PACRG: variants seen among roughly 807,000 people sequenced by gnomAD.
PACRG encodes parkin coregulated.
PACRG carries 29 observed loss-of-function variants against 29.7 expected under a neutral mutation model. The observed-to-expected ratio is 0.98, with a 90% CI of 0.73 to 1.33. The LOEUF (loss-of-function observed/expected upper bound fraction) is 1.33. Among genes scored for constraint, PACRG ranks in the 40% most tolerant of loss-of-function variants. The pLI is 0.00. For synonymous variants in PACRG, 116 were observed against 118.7 expected, an observed-to-expected ratio of 0.98 and a Z score of 0.15; for missense variants, 279 against 316.2, an observed-to-expected ratio of 0.88 and a Z score of 0.89.
chr6:162,974,072 A>T (rs1801753716), intron 2 of PACRG, among the ~76,000 whole-genome samples: 1 of 152,204 alleles, frequency 6.6e-6, no homozygotes, highest in African/African-American at 2.4e-5. Flanking sequence ...GTAACGTAAT[A>T]ATTATAAAAT....
chr6:163,261,299 G>A (rs1430453626), intron 4 of PACRG, among the ~76,000 whole-genome samples: 1 of 152,022 alleles, frequency 6.6e-6, no homozygotes, highest in Non-Finnish European at 1.5e-5. Context: ...GACAGTGCAG[G>A]TTTGTTACAT....
chr6:163,118,385 A>G (rs548028166), intron 4 of PACRG, among the ~76,000 whole-genome samples: 4 of 152,316 alleles, frequency 2.6e-5, no homozygotes, highest in African/African-American at 7.2e-5. Context: ...CACCCAGGGC[A>G]TGTGGAAGGG....
At chr6:162,785,335 G>T (rs1294429479) in intron 1 of PACRG, among the ~76,000 whole-genome samples, 4 of 152,108 alleles carry the variant, frequency 2.6e-5, no homozygotes, top group African/African-American at 7.2e-5. Context: ...ATATTTTGGG[G>T]TTATCATATT....
intron 4 of PACRG, among the ~76,000 whole-genome samples, chr6:163,094,760 A>C (rs887491168): frequency 1.3e-5 from 2 of 152,202 alleles, no homozygotes; most frequent in African/African-American, 2.4e-5. Context: ...TTCATGGGGT[A>C]GCTGTTCTAC....
intron 2 of PACRG, among the ~76,000 whole-genome samples, chr6:162,955,479 T>C (rs746613005): frequency 3.0e-4 from 46 of 152,044 alleles, no homozygotes; most frequent in Non-Finnish European, 4.3e-4. Flanking sequence ...TTTTGTATTT[T>C]TAGTAGATAC....
chr6:162,727,870 A>T, upstream of PACRG: 1 of 598,422 alleles, frequency 1.7e-6, no homozygotes, highest in Non-Finnish European at 2.9e-6. Flanking sequence ...GTTTCTCCTC[A>T]CGCCTCCTGC....
intron 1 of PACRG, among the ~76,000 whole-genome samples, chr6:162,801,258 A>G (rs1271852119): frequency 6.6e-6 from 1 of 152,068 alleles, no homozygotes; most frequent in Non-Finnish European, 1.5e-5. Context: ...ACATGTGTGT[A>G]CCACCATGCC....
intron 4 of PACRG, among the ~76,000 whole-genome samples, chr6:163,167,900 G>C (rs1163223447): frequency 1.3e-5 from 2 of 152,200 alleles, no homozygotes; most frequent in Non-Finnish European, 2.9e-5. Context: ...ACACAAAAGT[G>C]AACTGCTGTC....
At chr6:162,931,670 G>A (rs115199594) in intron 2 of PACRG, among the ~76,000 whole-genome samples, 3,228 of 151,980 alleles carry the variant, frequency 0.021, 96 homozygotes, top group South Asian at 0.085. Context: ...AATACCACAT[G>A]ATTAGTTCAT....
intron 4 of PACRG, among the ~76,000 whole-genome samples, chr6:163,234,107 A>G (rs571249632): frequency 6.6e-6 from 1 of 152,310 alleles, no homozygotes; most frequent in Admixed American, 6.5e-5. Flanking sequence ...GACACAGAGC[A>G]GGGACAGAAG....
At chr6:163,259,070 A>G (rs756818141) in intron 4 of PACRG, among the ~76,000 whole-genome samples, 7 of 152,146 alleles carry the variant, frequency 4.6e-5, no homozygotes, top group Non-Finnish European at 8.8e-5. Flanking sequence ...TATTAGACCC[A>G]TTTTTACAAA....
chr6:162,780,696 A>T (rs13197051), intron 1 of PACRG, among the ~76,000 whole-genome samples: 27,992 of 152,082 alleles, frequency 0.18, 2,958 homozygotes, highest in South Asian at 0.32. Flanking sequence ...TTTAATAGAG[A>T]CATAGAAAAT....
intron 1 of PACRG, among the ~76,000 whole-genome samples, chr6:162,760,699 G>A (rs1782283145): frequency 6.6e-6 from 1 of 152,148 alleles, no homozygotes. Flanking sequence ...TTTAGAAAGT[G>A]TGAGGCTGTA....
chr6:162,959,476 C>A (rs1350350303), intron 2 of PACRG, among the ~76,000 whole-genome samples: 1 of 152,052 alleles, frequency 6.6e-6, no homozygotes. Context: ...GTCAGTGTCC[C>A]CAGCATGGAG....
chr6:163,304,251 A>G (rs1195801569), intron 4 of PACRG, among the ~76,000 whole-genome samples: 1 of 152,164 alleles, frequency 6.6e-6, no homozygotes, highest in Non-Finnish European at 1.5e-5. Flanking sequence ...CATGGATAAC[A>G]ACTCACAAAT....
intron 2 of PACRG, among the ~76,000 whole-genome samples, chr6:162,841,281 T>C (rs1214108880): frequency 1.4e-5 from 2 of 145,814 alleles, no homozygotes; most frequent in South Asian, 2.3e-4. Flanking sequence ...GCTCCTGTTA[T>C]TGGTCTATTC....
At chr6:162,774,906 A>C (rs9365490) in intron 1 of PACRG, among the ~76,000 whole-genome samples, 26,503 of 152,022 alleles carry the variant, frequency 0.17, 3,005 homozygotes, top group East Asian at 0.47. Flanking sequence ...GCTGCCTCTC[A>C]CCTATCTTTG....
At chr6:163,182,680 A>C (rs370160460) in intron 4 of PACRG, 23 of 152,382 alleles carry the variant, frequency 1.5e-4, no homozygotes, top group African/African-American at 5.5e-4. Flanking sequence ...TCTTACATAA[A>C]TGTAGCATTT....
chr6:162,845,361 T>C lies in PACRG; in HGVS notation c.291+31080T>C, dbSNP rs1032089840. ...CCCAGGCTTGCAAAATTCATTGCAG[T>C]GTGGCAACAAGTATCATCAATTTTT... On this transcript the variant is annotated intron_variant, in intron 2 of 4. Transcript: ENST00000366888. Among the ~76,000 whole-genome samples the C allele has an allele frequency of 2.0e-5, 3 of 151,928 alleles. 1 individual carries two copies. In the East Asian group the frequency reaches 5.8e-4, roughly 29 times the overall value.
Sources: gnomAD v4.1 joint callset for allele counts (sites outside exome capture counted in the v4.1 genomes callset) on GRCh38, gnomAD v4.1.1 for gene constraint, MANE v1.5 for transcripts, NCBI Gene and HGNC (gene_info 2026-07-23, HGNC 2026-07-21) for gene names.